CLIP4: variants seen among roughly 807,000 people sequenced by gnomAD.
CLIP4 encodes CAP-Gly domain containing linker protein family member 4.
A neutral mutation model predicts 73.1 loss-of-function variants in CLIP4; 47 were observed. The ratio of observed to expected loss-of-function variants is 0.64; its 90% CI spans 0.51 to 0.82. The LOEUF is 0.82. CLIP4 is among the 40% of genes least tolerant of loss of function. CLIP4 has a pLI of 0.00. For synonymous variants in CLIP4, 306 were observed against 295.4 expected (o/e 1.04, Z -0.37); for missense variants, 874 against 852.9 (o/e 1.02, Z -0.31).
intron 15 of CLIP4, among the ~76,000 whole-genome samples, chr2:29,175,099 A>C (rs1468519932): frequency 6.6e-6 from 1 of 152,284 alleles, no homozygotes; most frequent in East Asian, 1.9e-4. Context: ...AGGGAAGTAC[A>C]CGTGCTTGTT....
At chr2:29,136,177 T>C (rs756953501) in intron 6 of CLIP4, among the ~76,000 whole-genome samples, 3 of 149,468 alleles carry the variant, frequency 2.0e-5, no homozygotes, top group Non-Finnish European at 4.5e-5. Flanking sequence ...TTCAGATCAT[T>C]TGTTGTTGTT....
intron 14 of CLIP4, among the ~76,000 whole-genome samples, chr2:29,173,314 A>G (rs775196965): frequency 7.9e-5 from 12 of 152,256 alleles, no homozygotes; most frequent in African/African-American, 1.9e-4. Flanking sequence ...TAAGGTTGAC[A>G]TAAGTGACTT....
intron 1 of CLIP4, among the ~76,000 whole-genome samples, chr2:29,098,526 G>A (rs1365819609): frequency 1.3e-5 from 2 of 152,168 alleles, no homozygotes; most frequent in African/African-American, 4.8e-5. Context: ...TTCTCCGTTT[G>A]TTCATGGCCT....
At chr2:29,173,359 T>C (rs1668135710) in intron 14 of CLIP4, among the ~76,000 whole-genome samples, 1 of 152,238 alleles carries the variant, frequency 6.6e-6, no homozygotes, top group Admixed American at 6.5e-5. Flanking sequence ...TTTCGTTTTG[T>C]TTCTCATTTC....
In CLIP4 at chr2:29,115,883, CGGGGATG is replaced by C; in HGVS notation, c.-16+222_-16+228del. ...TCTCGGGGCGGAGCGGCCCACCCGG[CGGGGATG>C]GGGACTCCTCGTGGCGGCCGCTGAC... On this transcript the variant is annotated intron_variant, in intron 1 of 15. Transcript: ENST00000320081. This position sits in a 1 kb window ranked among gnomAD's most constrained non-coding sequence, Gnocchi z 5.1. Among the ~76,000 whole-genome samples the C allele has an allele frequency of 6.6e-6, 1 of 152,002 alleles. No homozygotes were observed. The highest frequency in any genetic ancestry group is 2.0e-4 in the East Asian group (1 of 5,120).
At chr2:29,144,986 CT>C (rs1188210359) in intron 7 of CLIP4, among the ~76,000 whole-genome samples, 1 of 151,526 alleles carries the variant, frequency 6.6e-6, no homozygotes, top group Non-Finnish European at 1.5e-5. Context: ...CTTATGTCTT[CT>C]TGGAAATTGA....
chr2:29,171,990 G>T (rs1668035754), intron 14 of CLIP4, among the ~76,000 whole-genome samples: 1 of 143,034 alleles, frequency 7.0e-6, no homozygotes. Context: ...ACTTTATTCT[G>T]GCTATATTCC....
chr2:29,118,975 G>C (rs2148457687), intron 1 of CLIP4, among the ~76,000 whole-genome samples: 1 of 152,316 alleles, frequency 6.6e-6, no homozygotes, highest in East Asian at 1.9e-4. Context: ...TAGGTCTTCA[G>C]ATCCAGGAAT....
At chr2:29,153,493 A>G (rs1361969838) in intron 9 of CLIP4, among the ~76,000 whole-genome samples, 1 of 130,638 alleles carries the variant, frequency 7.7e-6, no homozygotes, top group Admixed American at 9.1e-5. Context: ...CTAACTTTGT[A>G]TGTGCTTTTT....
At chr2:29,133,299 GCCAGTGGT>G (rs893174061) in intron 4 of CLIP4, among the ~76,000 whole-genome samples, 10 of 152,210 alleles carry the variant, frequency 6.6e-5, no homozygotes, top group Admixed American at 3.3e-4. Flanking sequence ...ATTTGGGACT[GCCAGTGGT>G]CCACGGAACA....
At chr2:29,160,176 T>C (rs1228375357) in intron 11 of CLIP4, among the ~76,000 whole-genome samples, 157 bp from the exon 12 acceptor site, 1 of 152,226 alleles carries the variant, frequency 6.6e-6, no homozygotes, top group Non-Finnish European at 1.5e-5. Flanking sequence ...AGATGACTTA[T>C]GTGATGAAAG....
At chr2:29,127,171 A>G (rs1198091300) in intron 2 of CLIP4, among the ~76,000 whole-genome samples, 2 of 152,130 alleles carry the variant, frequency 1.3e-5, no homozygotes, top group East Asian at 1.9e-4. Flanking sequence ...GAGGTTTGAT[A>G]ATATCTAAGG....
chr2:29,157,211 G>T lies in CLIP4; in HGVS notation c.1263G>T (p.Leu421=). The change falls in exon 11 of 16, where the codon CTG becomes CTT. Residue 421 remains leucine, a synonymous_variant. Coordinates refer to ENST00000320081, the MANE Select transcript of CLIP4 (RefSeq NM_024692.6). ...LKTVTEKDVA[L]LGSVSSCSST... is the part of the protein sequence containing the mutation. Reference sequence around the variant, plus strand: ...GTTCTTTATCTGTTACAGTTGCCCTGCTTGGATCTGTCAGCAGCTGCTCCT... The same window carrying T: ...GTTCTTTATCTGTTACAGTTGCCCTTCTTGGATCTGTCAGCAGCTGCTCCT... 6.2e-7 allele frequency: 1 copy of T among 1,613,974 alleles called. No homozygotes were observed.
At chr2:29,128,080 A>G (rs1360862808) in intron 2 of CLIP4, among the ~76,000 whole-genome samples, 1 of 152,152 alleles carries the variant, frequency 6.6e-6, no homozygotes, top group Non-Finnish European at 1.5e-5. Context: ...GCAGTGTAAT[A>G]GATCAAATAA....
At chr2:29,107,727 G>A (rs1401838259) in intron 1 of CLIP4, among the ~76,000 whole-genome samples, 2 of 151,902 alleles carry the variant, frequency 1.3e-5, no homozygotes, top group African/African-American at 4.8e-5. Flanking sequence ...CCAGGCTGGA[G>A]TGCAGTGGCT....
At position 29,182,069 on chromosome 2, in the gene CLIP4, G is replaced by A; in HGVS notation, c.*176G>A. On this transcript the variant is annotated 3_prime_UTR_variant, in exon 16 of 16. Transcript: ENST00000320081. The stretch of plus-strand genomic sequence containing the variant: ...ACAAAGCCATGAATATGAACTATGG[G>A]GAATCATGGTTCTTTTAAAGCAATT... 2.1e-6 allele frequency: 1 copy of A among 465,252 alleles called. No individual in the cohort carries two copies. 28.8% of individuals were successfully genotyped at this position (465,252 alleles called of 1,614,324 possible).
chr2:29,100,331 G>A (rs1375423572), intron 1 of CLIP4, among the ~76,000 whole-genome samples: 1 of 151,636 alleles, frequency 6.6e-6, no homozygotes, highest in African/African-American at 2.4e-5. Context: ...CTCAGGGTTT[G>A]GAAAAAAATA....
chr2:29,101,846 T>G (rs1030317121), intron 1 of CLIP4, among the ~76,000 whole-genome samples: 1 of 152,172 alleles, frequency 6.6e-6, no homozygotes, highest in Non-Finnish European at 1.5e-5. Flanking sequence ...CTCTGCACCG[T>G]TTGCTTCTTT....
Position 29,143,670 on chromosome 2 carries a change from A to G in CLIP4, c.649-39A>G, listed in dbSNP as rs192760610. ...TTTTATATGACTTTCTAGTGCTCTA[A>G]GTAAGAGTTGAACATTTTTCTCTTA... On this transcript the variant is annotated intron_variant, in intron 6 of 15. Coordinates refer to ENST00000320081, the MANE Select transcript of CLIP4 (RefSeq NM_024692.6). 3,306 of 1,330,400 alleles carry G rather than the reference A, an allele frequency of 2.5e-3. 9 individuals are homozygous for G. The highest frequency in any genetic ancestry group is 3.3e-3 in the Non-Finnish European group (3,044 of 924,882). The allele number at this position is 1,330,400 out of a possible 1,614,324, so 82.4% of individuals were successfully genotyped here.
Sources: gnomAD v4.1 joint callset for allele counts (sites outside exome capture counted in the v4.1 genomes callset) on GRCh38, gnomAD v4.1.1 for gene constraint, Gnocchi (gnomAD v3.1) non-coding constraint, MANE v1.5 for transcripts, NCBI Gene and HGNC (gene_info 2026-07-23, HGNC 2026-07-21) for gene names.